The following ZBED1 variants were observed in gnomAD, a reference collection of about 807,000 sequenced individuals.
The protein encoded by ZBED1 is E3 SUMO-protein ligase ZBED1.
A neutral mutation model predicts 49.7 loss-of-function variants in ZBED1; 19 were observed. The observed-to-expected ratio is 0.38, with a 90% CI of 0.27 to 0.56. The LOEUF (loss-of-function observed/expected upper bound fraction) is 0.56, where lower values mean the gene tolerates loss of function less well. ZBED1 is among the 20% of genes least tolerant of loss of function. The pLI is 0.70. For synonymous variants in ZBED1, 439 were observed against 440.3 expected, an observed-to-expected ratio of 1.00 and a Z score of 0.04; for missense variants, 806 against 972.6, an observed-to-expected ratio of 0.83 and a Z score of 2.28.
At chrX:2,495,766 G>C (rs2045268410) in intron 1 of ZBED1, among the ~76,000 whole-genome samples, 1 of 152,038 alleles carries the variant, frequency 6.6e-6, no homozygotes, top group Admixed American at 6.6e-5. Context: ...AGCATCCCCA[G>C]TGCGGGGGGA....
rs376768668 is a variant in ZBED1 at position 2,489,346 on chromosome X, G to A, written c.1374C>T (p.Thr458=). 3 of 1,613,548 alleles carry A rather than the reference G, an allele frequency of 1.9e-6. No homozygotes were observed. The highest frequency in any genetic ancestry group is 1.3e-5 in the African/African-American group (1 of 74,870). Residue 458 remains threonine (T), a synonymous_variant, in exon 2 of 2, where the codon ACC becomes ACT. Transcript: ENST00000652001. ...TGTCGATCTCGGGCGTCTCCTGGTAGGTCTTGGAAAGCTCCTTGGCGATGA... is the reference window on the plus strand; with the variant it reads ...TGTCGATCTCGGGCGTCTCCTGGTAAGTCTTGGAAAGCTCCTTGGCGATGA... ...KEVIAKELSK[T]YQETPEIDMF... is the part of the protein sequence containing the mutation.
rs1351323346 is a variant in ZBED1 at position 2,490,071 on chromosome X, A to T, written c.649T>A (p.Phe217Ile). 1 of 1,613,708 alleles carries T rather than the reference A, an allele frequency of 6.2e-7. No homozygotes were observed. The change falls in exon 2 of 2, where the codon TTC becomes ATC. Residue 217 changes from phenylalanine (F) to isoleucine (I), a missense_variant. Coordinates refer to ENST00000652001, the MANE Select transcript of ZBED1 (RefSeq NM_001171136.2). ...CAGTTGGGGGCGCCCAGGCCCAGGAAGTGGGCGGCCAGCGTGACGTAGGCG... is the reference window on the plus strand; with the variant it reads ...CAGTTGGGGGCGCCCAGGCCCAGGATGTGGGCGGCCAGCGTGACGTAGGCG... Reference protein sequence around the residue: ...NRAYVTLAAHFLGLGAPNCLS... With the variant: ...NRAYVTLAAHILGLGAPNCLS...
At chrX:2,500,654 G>GCCCCCCCCCCCCCCCCCCCC (rs546772121) in intron 1 of ZBED1, 163 bp downstream of exon 1, 3 of 126,742 alleles carry the variant, frequency 2.4e-5, no homozygotes, top group Non-Finnish European at 3.3e-5. Context: ...CGCGCACGCC[G>GCCCCCCCCCCCCCCCCCCCC]CCCCCCCCCC....
At chrX:2,498,538 G>C (rs1403122756) in intron 1 of ZBED1, among the ~76,000 whole-genome samples, 1 of 151,624 alleles carries the variant, frequency 6.6e-6, no homozygotes, top group Non-Finnish European at 1.5e-5. Flanking sequence ...ATACACACCC[G>C]GGTACAGATT....
intron 1 of ZBED1, among the ~76,000 whole-genome samples, chrX:2,495,933 A>C (rs1366416493): frequency 6.6e-6 from 1 of 152,146 alleles, no homozygotes; most frequent in Non-Finnish European, 1.5e-5. Flanking sequence ...CAGAGGAAGG[A>C]GCCAGCCGCC....
Position 2,489,521 on chromosome X carries a change from A to T in ZBED1, c.1199T>A (p.Leu400His). ...GGCCACCTGCTTGAAGGGCTGCAGG[A>T]GCTCCACCAGCCCCTCGATGGTGGC... ...EWATIEGLVE[L>H]LQPFKQVAEM... is the part of the protein sequence containing the mutation. The change falls in exon 2 of 2, where the codon CTC (leucine) becomes CAC (histidine). Residue 400 changes from leucine (L) to histidine (H), a missense_variant. Physicochemically the swap from Leu to His is moderately conservative, Grantham distance 99 (BLOSUM62 -3). This residue lies in a region of ZBED1 where 749 missense variants were observed against 861.3 expected (regional missense o/e 0.87). Transcript: ENST00000652001. 1 of 1,612,886 alleles carries T rather than the reference A, an allele frequency of 6.2e-7. No homozygotes were observed. Among genetic ancestry groups the T allele is most frequent in the South Asian group, 1.1e-5 (1 of 91,026 alleles).
chrX:2,489,735 T>C lies in ZBED1; in HGVS notation c.985A>G (p.Met329Val). 1.2e-6 allele frequency: 2 copies of C among 1,613,182 alleles called. No individual in the cohort carries two copies. The highest frequency in any genetic ancestry group is 1.7e-6 in the Non-Finnish European group (2 of 1,179,854). ...TTCTGCTTCTCATAGAGCATGTACA[T>C]GGCCACGGCAGACTGCTGGAAGTAC... The part of the protein sequence containing the change: ...VEYFQQSAVA[M>V]YMLYEKQKQQ... The change falls in exon 2 of 2, where the codon ATG (methionine) becomes GTG (valine). Residue 329 changes from methionine (M) to valine (V), a missense_variant. By Grantham distance (21) the Met-to-Val change is conservative. Transcript: ENST00000652001.
rs753153709 is a variant in ZBED1 at position 2,489,183 on chromosome X, A to G, written c.1537T>C (p.Tyr513His). Residue 513 changes from tyrosine (Y) to histidine (H), a missense_variant, in exon 2 of 2, where the codon TAC (tyrosine) becomes CAC (histidine). Physicochemically the swap from Tyr to His is moderately conservative, Grantham distance 83 (BLOSUM62 2). This residue lies in a region of ZBED1 where 749 missense variants were observed against 861.3 expected (regional missense o/e 0.87). Coordinates refer to ENST00000652001, the MANE Select transcript of ZBED1 (RefSeq NM_001171136.2). ...GLLDKVKDGG[Y>H]RPAEDKIFPV... ...AAGATCTTGTCCTCAGCCGGCCGGT[A>G]GCCGCCGTCTTTGACCTTGTCCAGC... The G allele has an allele frequency of 4.8e-5, 77 of 1,613,688 alleles. 1 individual carries two copies. In the South Asian group the frequency reaches 7.8e-4, roughly 16 times the overall value.
chrX:2,496,499 C>T (rs930766595), intron 1 of ZBED1, among the ~76,000 whole-genome samples: 3 of 152,084 alleles, frequency 2.0e-5, no homozygotes, highest in Admixed American at 1.3e-4. Flanking sequence ...GCACCCGGCC[C>T]GCCAATAGAG....
At chrX:2,496,834 C>T (rs1182644181) in intron 1 of ZBED1, among the ~76,000 whole-genome samples, 4 of 148,330 alleles carry the variant, frequency 2.7e-5, no homozygotes, top group African/African-American at 9.8e-5. Flanking sequence ...ATAAATATAA[C>T]TTATTTGTAT....
At chrX:2,491,560 T>C (rs1261070837) in intron 1 of ZBED1, among the ~76,000 whole-genome samples, 3 of 152,220 alleles carry the variant, frequency 2.0e-5, no homozygotes, top group African/African-American at 4.8e-5. Flanking sequence ...CTGAGCTTCA[T>C]TCACTGCATT....
Position 2,487,189 on chromosome X carries a change from G to A in ZBED1, c.*1446C>T, listed in dbSNP as rs185336084. The A allele has an allele frequency of 1.2e-3, 189 of 152,300 alleles. 1 individual carries two copies. Among genetic ancestry groups the A allele is most frequent in the African/African-American group, 4.1e-3 (171 of 41,552 alleles). 9.4% of individuals were successfully genotyped at this position (152,300 alleles called of 1,614,324 possible). On this transcript the variant is annotated 3_prime_UTR_variant, in exon 2 of 2. Coordinates refer to ENST00000652001, the MANE Select transcript of ZBED1 (RefSeq NM_001171136.2). ...GAATCCAGCCACGGAAAACCCCTCC[G>A]GGGGCAATATTTTAAAATTCATTTC...
At position 2,489,226 on chromosome X, in the gene ZBED1, C is replaced by T. The variant is rs1462995086; in HGVS notation, c.1494G>A (p.Val498=). 6.2e-7 allele frequency: 1 copy of T among 1,613,880 alleles called. No homozygotes were observed. The highest frequency in any genetic ancestry group is 8.5e-7 in the Non-Finnish European group (1 of 1,179,854). Residue 498 remains valine (V), a synonymous_variant, in exon 2 of 2, where the codon GTG becomes GTA. Coordinates refer to ENST00000652001, the MANE Select transcript of ZBED1 (RefSeq NM_001171136.2). ...FERQQVENRV[V]EEAKGLLDKV... is the part of the protein sequence containing the mutation. ...TGTCCAGCAGGCCCTTGGCCTCTTC[C>T]ACCACGCGATTCTCCACCTGCTGCC...
Position 2,490,678 on chromosome X carries a change from C to T in ZBED1, c.42G>A (p.Lys14=). 1 of 1,613,926 alleles carries T rather than the reference C, an allele frequency of 6.2e-7. No individual in the cohort carries two copies. Among genetic ancestry groups the T allele is most frequent in the East Asian group, 2.2e-5 (1 of 44,870 alleles). ...KSLESSQTDL[K]LVAHPRAKSK... is the part of the protein sequence containing the mutation. ...TCTTGGCGCGGGGGTGGGCCACCAG[C>T]TTCAGGTCTGTCTGGGAGCTCTCCA... is the stretch of plus-strand genomic sequence containing the variant. Residue 14 remains lysine, a synonymous_variant, in exon 2 of 2, where the codon AAG becomes AAA. Transcript: ENST00000652001.
In ZBED1 at chrX:2,490,433, T is replaced by C. The variant is rs2045106174; in HGVS notation, c.287A>G (p.Lys96Arg). ...MREAFATAFS[K>R]LKPESSQQPG... ...CTGCTGGGACGACTCGGGCTTCAGC[T>C]TGGAGAAGGCGGTGGCGAAGGCTTC... The change falls in exon 2 of 2, where the codon AAG (lysine) becomes AGG (arginine). Residue 96 changes from lysine (K) to arginine (R), a missense_variant. Lys to Arg is a conservative substitution (Grantham distance 26, BLOSUM62 2). Transcript: ENST00000652001. 1.5e-5 allele frequency: 24 copies of C among 1,613,978 alleles called. No homozygotes were observed. The highest frequency in any genetic ancestry group is 1.9e-5 in the Non-Finnish European group (23 of 1,179,856).
At position 2,488,692 on chromosome X, in the gene ZBED1, G is replaced by C. The variant is rs146707840; in HGVS notation, c.2028C>G (p.Ser676=). The change falls in exon 2 of 2, where the codon TCC becomes TCG. Residue 676 remains serine (S), a synonymous_variant. Coordinates refer to ENST00000652001, the MANE Select transcript of ZBED1 (RefSeq NM_001171136.2). ...EWGLDQEQVF[S]LGDGVSGGFF... ...AACCGCCGCTGACGCCATCCCCCAA[G>C]GAGAACACCTGCTCCTGGTCCAGGC... 3,417 of 1,613,668 alleles carry C rather than the reference G, an allele frequency of 2.1e-3. 17 individuals are homozygous for C. The highest frequency in any genetic ancestry group is 7.9e-3 in the Middle Eastern group (47 of 5,956).
chrX:2,498,056 A>G (rs1157561757), intron 1 of ZBED1, among the ~76,000 whole-genome samples: 8 of 152,198 alleles, frequency 5.3e-5, no homozygotes, highest in Admixed American at 5.2e-4. Context: ...ACCAACATCT[A>G]TGATTAATTT....
rs1434380959 is a variant in ZBED1, at chrX:2,494,550, G to T, written c.-53-3778C>A. Among the ~76,000 whole-genome samples, 7 of 151,988 alleles carry T rather than the reference G, an allele frequency of 4.6e-5. No individual in the cohort carries two copies. In the East Asian group the frequency reaches 1.2e-3, roughly 25 times the overall value. On this transcript the variant is annotated intron_variant, in intron 1 of 1. Transcript: ENST00000652001. ...AGGCTGAAAGAAGTCCGGGTACCTG[G>T]AACAAAAGTTTATATTTTATTATTA... is the stretch of plus-strand genomic sequence containing the variant.
chrX:2,497,859 A>AT (rs1363705897), intron 1 of ZBED1, among the ~76,000 whole-genome samples: 29 of 152,340 alleles, frequency 1.9e-4, no homozygotes, highest in Non-Finnish European at 2.9e-5. Context: ...ATTTCAGGCC[A>AT]TATCAATGTT....
Sources: gnomAD v4.1 joint callset for allele counts (sites outside exome capture counted in the v4.1 genomes callset) on GRCh38, gnomAD v4.1.1 for gene constraint, gnomAD v4.1.1 regional missense constraint, MANE v1.5 for transcripts, NCBI Gene and HGNC (gene_info 2026-07-23, HGNC 2026-07-21) for gene names.